Variants in CSNK1G1 observed in about 807,000 individuals in gnomAD.
CSNK1G1 encodes the protein casein kinase I isoform gamma-1.
A neutral mutation model predicts 59.6 loss-of-function variants in CSNK1G1; 22 were observed. That is an observed-to-expected ratio of 0.37 (90% CI 0.26 to 0.53). The LOEUF (loss-of-function observed/expected upper bound fraction) is 0.53, where lower values mean the gene tolerates loss of function less well. Among genes scored for constraint, CSNK1G1 ranks in the 20% least tolerant of loss-of-function variants. The pLI is 0.89. For synonymous variants in CSNK1G1, 179 were observed against 177.1 expected (o/e 1.01, Z -0.08); for missense variants, 384 against 519.5 (o/e 0.74, Z 2.54).
Position 64,182,053 on chromosome 15 carries a change from G to GTTTTTTTTTTTTT in CSNK1G1, c.1108-1612_1108-1600dup, listed in dbSNP as rs71447372. 8.4e-5 allele frequency: 7 copies of GTTTTTTTTTTTTT among 83,236 alleles called. 2 individuals are homozygous for GTTTTTTTTTTTTT. The highest frequency in any genetic ancestry group is 3.8e-4 in the African/African-American group (7 of 18,370). The allele number at this position is 83,236 out of a possible 1,614,324, so 5.2% of individuals were successfully genotyped here. ...TAATTATTGTTCTCATTAGTAACCC[G>GTTTTTTTTTTTTT]TTTTTTTTTTTTTTTTTTTTTTTTT... is the stretch of plus-strand genomic sequence containing the variant. On this transcript the variant is annotated intron_variant, in intron 10 of 11. Transcript: ENST00000303052.
At chr15:64,295,183 C>T (rs1463952115) in intron 2 of CSNK1G1, among the ~76,000 whole-genome samples, 1 of 152,180 alleles carries the variant, frequency 6.6e-6, no homozygotes, top group African/African-American at 2.4e-5. Context: ...TACCTGCCTT[C>T]CCAACCACTC....
In CSNK1G1 at chr15:64,282,891, A is replaced by G. The variant is rs148871650; in HGVS notation, c.181+17428T>C. On this transcript the variant is annotated intron_variant, in intron 2 of 11. Coordinates refer to ENST00000303052, the MANE Select transcript of CSNK1G1 (RefSeq NM_022048.5). ...TGTGGTTTTGATATGCATTTCCCCA[A>G]TGGCTAACAATGTTGAGCATCAAGT... 8.5e-5 allele frequency among the ~76,000 whole-genome samples: 13 copies of G among 152,324 alleles called. No individual in the cohort carries two copies. The East Asian group carries it at 2.1e-3, about 25-fold the overall frequency.
chr15:64,221,476 T>C (rs527454471), intron 4 of CSNK1G1, among the ~76,000 whole-genome samples: 2 of 152,254 alleles, frequency 1.3e-5, no homozygotes, highest in African/African-American at 4.8e-5. Flanking sequence ...GCTGCATTAT[T>C]GGTTTTATTA....
chr15:64,299,358 G>A (rs2140400888), intron 2 of CSNK1G1, among the ~76,000 whole-genome samples: 1 of 152,272 alleles, frequency 6.6e-6, no homozygotes, highest in South Asian at 2.1e-4. Context: ...GGAGGCCGAG[G>A]CGGGCGGATC....
chr15:64,183,696 A>G lies in CSNK1G1; in HGVS notation c.1108-3242T>C, dbSNP rs114315954. On this transcript the variant is annotated intron_variant, in intron 10 of 11. Coordinates refer to ENST00000303052, the MANE Select transcript of CSNK1G1 (RefSeq NM_022048.5). The stretch of plus-strand genomic sequence containing the variant: ...AGAATTAAAAAGAATCTTATGAATA[A>G]CAAATTACTGACATTTTAAACAATA... 8.2e-3 allele frequency among the ~76,000 whole-genome samples: 1,255 copies of G among 152,240 alleles called. 17 individuals are homozygous for G. Among genetic ancestry groups the G allele is most frequent in the African/African-American group, 0.028 (1,177 of 41,552 alleles).
intron 1 of CSNK1G1, among the ~76,000 whole-genome samples, chr15:64,303,844 G>A (rs1307423321): frequency 1.3e-5 from 2 of 150,730 alleles, no homozygotes; most frequent in Non-Finnish European, 3.0e-5. Context: ...GCTTGAGCAT[G>A]GGAGGTTCAA....
intron 9 of CSNK1G1, 30 bp downstream of exon 9, chr15:64,204,410 GT>G: frequency 7.4e-7 from 1 of 1,352,418 alleles, no homozygotes; most frequent in Non-Finnish European, 1.0e-6. Flanking sequence ...AGGTAATGAG[GT>G]TAAAAAAAAA....
intron 4 of CSNK1G1, among the ~76,000 whole-genome samples, chr15:64,248,899 T>C (rs1891913994): frequency 6.6e-6 from 1 of 152,070 alleles, no homozygotes; most frequent in African/African-American, 2.4e-5. Flanking sequence ...GGCAGGCGGA[T>C]CACGAGGTCA....
At chr15:64,320,531 T>C (rs1183508456) in intron 1 of CSNK1G1, among the ~76,000 whole-genome samples, 1 of 151,498 alleles carries the variant, frequency 6.6e-6, no homozygotes, top group African/African-American at 2.4e-5. Context: ...ATACAAAAAT[T>C]AGCTAGGCGT....
chr15:64,216,896 T>C lies in CSNK1G1; in HGVS notation c.293-183A>G, dbSNP rs72756939. 0.044 allele frequency among the ~76,000 whole-genome samples: 6,771 copies of C among 152,328 alleles called. 197 individuals are homozygous for C. The highest frequency in any genetic ancestry group is 0.085 in the South Asian group (412 of 4,834). ...CAGCTTCAATGGGAACTAATAATGA[T>C]GGGAAAGGCTAAGTCATTGCACAAT... On this transcript the variant is annotated intron_variant, in intron 4 of 11. Coordinates refer to ENST00000303052, the MANE Select transcript of CSNK1G1 (RefSeq NM_022048.5). The surrounding 1 kb of genome is among the most constrained non-coding windows in gnomAD (Gnocchi z 4.6).
chr15:64,238,860 C>T (rs944407489), intron 4 of CSNK1G1, among the ~76,000 whole-genome samples: 4 of 151,944 alleles, frequency 2.6e-5, no homozygotes, highest in Admixed American at 1.3e-4. Context: ...GCCTAGGATC[C>T]TAGTCTCACG....
intron 1 of CSNK1G1, among the ~76,000 whole-genome samples, chr15:64,355,777 C>A (rs1330856038): frequency 6.6e-6 from 1 of 152,178 alleles, no homozygotes; most frequent in African/African-American, 2.4e-5. Context: ...ACCTCTACCC[C>A]GCTAACCGAA....
chr15:64,231,712 T>C (rs920459624), intron 4 of CSNK1G1, among the ~76,000 whole-genome samples: 1 of 152,140 alleles, frequency 6.6e-6, no homozygotes, highest in Non-Finnish European at 1.5e-5. Context: ...CCACTCTCTC[T>C]ATAAAACCTT....
chr15:64,299,820 T>C (rs537204957), intron 2 of CSNK1G1, among the ~76,000 whole-genome samples: 3 of 152,256 alleles, frequency 2.0e-5, no homozygotes, highest in African/African-American at 7.2e-5. Context: ...AAACAAATTA[T>C]CTTTTGGAAA....
chr15:64,197,704 C>G (rs1163241966), intron 10 of CSNK1G1, among the ~76,000 whole-genome samples: 1 of 152,172 alleles, frequency 6.6e-6, no homozygotes, highest in Non-Finnish European at 1.5e-5. Context: ...CAGACTAGTA[C>G]CACATTCTGT....
chr15:64,195,276 T>C (rs1220539829), intron 10 of CSNK1G1, among the ~76,000 whole-genome samples: 1 of 152,222 alleles, frequency 6.6e-6, no homozygotes, highest in Non-Finnish European at 1.5e-5. Context: ...AATATGACTC[T>C]CTCCACTGTC....
chr15:64,258,933 C>T (rs1237194027), intron 3 of CSNK1G1, among the ~76,000 whole-genome samples: 2 of 152,038 alleles, frequency 1.3e-5, no homozygotes, highest in Non-Finnish European at 2.9e-5. Flanking sequence ...CACAGAGTTA[C>T]TAGTTCTTCC....
chr15:64,181,198 T>C, intron 10 of CSNK1G1: 1 of 1,527,642 alleles, frequency 6.5e-7, no homozygotes, highest in Non-Finnish European at 8.7e-7. Context: ...CAACGATCTT[T>C]ATTTCAGGTT....
At chr15:64,333,977 C>A (rs1345285853) in intron 1 of CSNK1G1, among the ~76,000 whole-genome samples, 1 of 152,014 alleles carries the variant, frequency 6.6e-6, no homozygotes, top group Non-Finnish European at 1.5e-5. Flanking sequence ...CCACTGATAG[C>A]CCTAGATAGA....
Sources: allele counts gnomAD v4.1 joint callset (sites outside exome capture counted in the v4.1 genomes callset), GRCh38; gene constraint gnomAD v4.1.1; non-coding constraint Gnocchi (gnomAD v3.1); transcripts MANE v1.5; gene names NCBI Gene and HGNC (gene_info 2026-07-23, HGNC 2026-07-21).